GNAQ: variants seen among roughly 807,000 people sequenced by gnomAD.
The protein encoded by GNAQ is guanine nucleotide-binding protein G(q) subunit alpha.
In GNAQ, 8 loss-of-function variants were observed where a neutral mutation model predicts 43.9. The ratio of observed to expected loss-of-function variants is 0.18; its 90% CI spans 0.11 to 0.33. GNAQ has a LOEUF of 0.33. Among genes scored for constraint, GNAQ ranks in the 10% least tolerant of loss-of-function variants. GNAQ has a pLI of 1.00. For missense variants in GNAQ, 158 were observed against 450.8 expected, an observed-to-expected ratio of 0.35 and a Z score of 5.88; for synonymous variants, 155 against 170.7, an observed-to-expected ratio of 0.91 and a Z score of 0.71.
At chr9:77,782,398 T>A (rs192857634) in intron 5 of GNAQ, among the ~76,000 whole-genome samples, 3 of 152,324 alleles carry the variant, frequency 2.0e-5, no homozygotes, top group Non-Finnish European at 4.4e-5. Flanking sequence ...AAAAAGATGT[T>A]CTGTATCATA....
chr9:77,901,921 T>G (rs1828622980), intron 2 of GNAQ, among the ~76,000 whole-genome samples: 1 of 152,214 alleles, frequency 6.6e-6, no homozygotes, highest in East Asian at 1.9e-4. Context: ...AGAAGGGAAC[T>G]AGCTTCCTTC....
At chr9:77,982,238 A>C (rs997032964) in intron 1 of GNAQ, among the ~76,000 whole-genome samples, 1 of 152,252 alleles carries the variant, frequency 6.6e-6, no homozygotes, top group Non-Finnish European at 1.5e-5. Flanking sequence ...TTTTATAAAA[A>C]AGAAATGATT....
At chr9:77,940,790 A>T (rs896935259) in intron 1 of GNAQ, among the ~76,000 whole-genome samples, 10 of 151,852 alleles carry the variant, frequency 6.6e-5, no homozygotes, top group Non-Finnish European at 1.3e-4. Context: ...ACACGGTGAA[A>T]CCCCATCTCT....
At chr9:77,836,538 T>C (rs930369348) in intron 2 of GNAQ, among the ~76,000 whole-genome samples, 4 of 152,158 alleles carry the variant, frequency 2.6e-5, no homozygotes, top group Non-Finnish European at 5.9e-5. Flanking sequence ...AAAAATCTTA[T>C]TGCCCCTCGT....
At chr9:77,724,238 T>C (rs1011180507) in intron 6 of GNAQ, among the ~76,000 whole-genome samples, 24 of 152,284 alleles carry the variant, frequency 1.6e-4, no homozygotes, top group African/African-American at 5.3e-4. Context: ...TTGCCCAGGC[T>C]GGAGTGCAGT....
intron 2 of GNAQ, among the ~76,000 whole-genome samples, chr9:77,903,321 T>A (rs909493130): frequency 1.3e-5 from 2 of 152,178 alleles, no homozygotes; most frequent in African/African-American, 4.8e-5. Flanking sequence ...AGCATGGGTG[T>A]TGGACGCTAG....
rs890003907 is a variant in GNAQ at position 77,830,843 on chromosome 9, A to G, written c.322-15073T>C. Among the ~76,000 whole-genome samples, 2 of 151,244 alleles carry G rather than the reference A, an allele frequency of 1.3e-5. 1 individual carries two copies. The highest frequency in any genetic ancestry group is 4.2e-4 in the South Asian group (2 of 4,806). On this transcript the variant is annotated intron_variant, in intron 2 of 6. Transcript: ENST00000286548. ...CCACTGTTAAGGTGTTATACCACAC[A>G]CACACACACACACACACACAATCAA... is the stretch of plus-strand genomic sequence containing the variant.
chr9:77,867,903 T>C (rs542853038), intron 2 of GNAQ, among the ~76,000 whole-genome samples: 77 of 152,332 alleles, frequency 5.1e-4, no homozygotes, highest in Non-Finnish European at 8.8e-4. Flanking sequence ...TAATCCCCTT[T>C]AGAAGAACTC....
At chr9:77,875,798 A>G (rs372195959) in intron 2 of GNAQ, among the ~76,000 whole-genome samples, 28 of 152,276 alleles carry the variant, frequency 1.8e-4, no homozygotes, top group East Asian at 1.5e-3. Flanking sequence ...TCTTAACCCA[A>G]CCACCCATTG....
In GNAQ at chr9:77,821,724, GGT is replaced by G. The variant is rs1554718670; in HGVS notation, c.322-5956_322-5955del. Among the ~76,000 whole-genome samples, 328 of 142,348 alleles carry G rather than the reference GGT, an allele frequency of 2.3e-3. No homozygotes were observed. In the East Asian group the frequency reaches 0.038, roughly 16 times the overall value. The allele number at this position is 142,348 out of a possible 152,430, so 93.4% of individuals were successfully genotyped here. On this transcript the variant is annotated intron_variant, in intron 2 of 6. Coordinates refer to ENST00000286548, the MANE Select transcript of GNAQ (RefSeq NM_002072.5). ...TATGATGTTGTACTATCCTAGTATG[GGT>G]GTGTGTGTGTGTGTGTGTGTGTGTG...
At chr9:77,899,548 T>C (rs988769732) in intron 2 of GNAQ, among the ~76,000 whole-genome samples, 7 of 115,252 alleles carry the variant, frequency 6.1e-5, no homozygotes, top group African/African-American at 1.8e-4. Flanking sequence ...AAGAATCACA[T>C]TAACAAAAAA....
At chr9:77,803,377 G>A (rs1826777506) in intron 3 of GNAQ, among the ~76,000 whole-genome samples, 1 of 152,180 alleles carries the variant, frequency 6.6e-6, no homozygotes. Flanking sequence ...CCTGTTTCAA[G>A]CTTTCAGGCC....
At chr9:77,794,404 T>C in intron 5 of GNAQ, 59 bp downstream of exon 5, 2 of 1,201,596 alleles carry the variant, frequency 1.7e-6, no homozygotes, top group South Asian at 1.6e-5. Context: ...CTACTTTCTA[T>C]CATTTACTTG....
intron 2 of GNAQ, among the ~76,000 whole-genome samples, chr9:77,850,766 G>T (rs1827662714): frequency 6.6e-6 from 1 of 151,962 alleles, no homozygotes; most frequent in African/African-American, 2.4e-5. Context: ...CATGTCTTTT[G>T]TCCACCTGTA....
At chr9:77,815,270 A>C (rs1826994237) in intron 3 of GNAQ, among the ~76,000 whole-genome samples, 1 of 152,164 alleles carries the variant, frequency 6.6e-6, no homozygotes, top group South Asian at 2.1e-4. Flanking sequence ...TTTCTATCAA[A>C]AATTATTATT....
intron 3 of GNAQ, among the ~76,000 whole-genome samples, chr9:77,799,553 A>C (rs1826711104): frequency 6.6e-6 from 1 of 152,220 alleles, no homozygotes; most frequent in Admixed American, 6.5e-5. Flanking sequence ...CATTCTTACC[A>C]GTGGTATTTC....
At chr9:78,009,775 C>T (rs1930544) in intron 1 of GNAQ, among the ~76,000 whole-genome samples, 114,658 of 152,008 alleles carry the variant, frequency 0.75, 43,522 homozygotes, top group African/African-American at 0.81. Context: ...AGGATGTTCC[C>T]AGAATTAGGA....
In GNAQ at chr9:77,751,168, C is replaced by A. The variant is rs543665300; in HGVS notation, c.736-22501G>T. Among the ~76,000 whole-genome samples the A allele has an allele frequency of 5.9e-5, 9 of 152,340 alleles. No homozygotes were observed. In the East Asian group the frequency reaches 1.7e-3, roughly 29 times the overall value. On this transcript the variant is annotated intron_variant, in intron 5 of 6. Coordinates refer to ENST00000286548, the MANE Select transcript of GNAQ (RefSeq NM_002072.5). ...TCAGGCATCTGCTTTCAATATTATTCCAGGCATGGGAAATTAGTAATGGCC... is the reference window on the plus strand; with the variant it reads ...TCAGGCATCTGCTTTCAATATTATTACAGGCATGGGAAATTAGTAATGGCC...
At chr9:77,738,645 ATTG>A (rs1190258064) in intron 5 of GNAQ, among the ~76,000 whole-genome samples, 1 of 152,122 alleles carries the variant, frequency 6.6e-6, no homozygotes, top group African/African-American at 2.4e-5. Context: ...TTTTTGTACC[ATTG>A]TTGTCTCACT....
Sources: allele counts gnomAD v4.1 joint callset (sites outside exome capture counted in the v4.1 genomes callset), GRCh38; gene constraint gnomAD v4.1.1; transcripts MANE v1.5; gene names NCBI Gene and HGNC (gene_info 2026-07-23, HGNC 2026-07-21).